Variants in ARHGAP26 observed in about 807,000 individuals in gnomAD.
The protein encoded by ARHGAP26 is Rho GTPase activating protein 26.
A neutral mutation model predicts 104.8 loss-of-function variants in ARHGAP26; 38 were observed. That is an observed-to-expected ratio of 0.36 (90% CI 0.28 to 0.48). The LOEUF (loss-of-function observed/expected upper bound fraction) is 0.48, where lower values mean the gene tolerates loss of function less well. Ranked by LOEUF, ARHGAP26 falls within the 20% of genes least tolerant of loss-of-function variation. The probability of loss-of-function intolerance (pLI) is 0.99; values close to 1 mark genes in which losing one functional copy is unlikely to be tolerated. For missense variants in ARHGAP26, 704 were observed against 947.9 expected, an observed-to-expected ratio of 0.74 and a Z score of 3.38; for synonymous variants, 341 against 340.0, an observed-to-expected ratio of 1.00 and a Z score of -0.03.
chr5:143,188,509 G>A (rs1437500155), intron 20 of ARHGAP26, among the ~76,000 whole-genome samples: 1 of 152,140 alleles, frequency 6.6e-6, no homozygotes, highest in Non-Finnish European at 1.5e-5. Context: ...ATAGTTTTCT[G>A]GGAGAATGAC....
chr5:142,789,911 G>A (rs1597626866), intron 1 of ARHGAP26, among the ~76,000 whole-genome samples: 1 of 152,146 alleles, frequency 6.6e-6, no homozygotes, highest in African/African-American at 2.4e-5. Flanking sequence ...AGTCATTTTA[G>A]TTATAACAAC....
At chr5:143,103,645 C>G (rs1016901234) in intron 17 of ARHGAP26, among the ~76,000 whole-genome samples, 3 of 152,038 alleles carry the variant, frequency 2.0e-5, no homozygotes, top group Non-Finnish European at 4.4e-5. Context: ...ATGTCCTTTG[C>G]AGGGACATGG....
At chr5:142,803,604 C>T (rs1352998512) in intron 1 of ARHGAP26, among the ~76,000 whole-genome samples, 2 of 152,182 alleles carry the variant, frequency 1.3e-5, no homozygotes, top group Non-Finnish European at 2.9e-5. Context: ...CCTTCAACCT[C>T]ACGCTATTGC....
At chr5:142,955,623 A>G (rs926374395) in intron 11 of ARHGAP26, among the ~76,000 whole-genome samples, 5 of 152,236 alleles carry the variant, frequency 3.3e-5, no homozygotes, top group Non-Finnish European at 7.3e-5. Flanking sequence ...GTAGAAGAGC[A>G]TGTCCTTATT....
intron 21 of ARHGAP26, among the ~76,000 whole-genome samples, chr5:143,213,020 C>G (rs1809757486): frequency 6.6e-6 from 1 of 152,186 alleles, no homozygotes; most frequent in African/African-American, 2.4e-5. Flanking sequence ...TAGCAGGCGC[C>G]TGTAGTCCCA....
intron 17 of ARHGAP26, among the ~76,000 whole-genome samples, chr5:143,096,195 G>T (rs920570848): frequency 6.6e-6 from 1 of 152,114 alleles, no homozygotes; most frequent in African/African-American, 2.4e-5. Flanking sequence ...AGTAAACTGC[G>T]TTATGCAGAT....
chr5:142,847,834 A>G (rs1454222744), intron 1 of ARHGAP26, among the ~76,000 whole-genome samples: 2 of 152,208 alleles, frequency 1.3e-5, no homozygotes, highest in Non-Finnish European at 2.9e-5. Context: ...CCATCTGGAC[A>G]CCTGGAGGTG....
chr5:142,858,061 C>CTG (rs746146391), intron 1 of ARHGAP26, among the ~76,000 whole-genome samples: 6,344 of 134,312 alleles, frequency 0.047, 153 homozygotes, highest in African/African-American at 0.057. Flanking sequence ...GAGAGAGAAT[C>CTG]TGTGTGTGTG....
At chr5:143,009,987 T>C (rs1206007212) in intron 11 of ARHGAP26, among the ~76,000 whole-genome samples, 3 of 152,200 alleles carry the variant, frequency 2.0e-5, no homozygotes, top group Non-Finnish European at 2.9e-5. Flanking sequence ...CCTGAAAGCA[T>C]ATAAATTTGA....
At chr5:142,830,648 G>A (rs252453) in intron 1 of ARHGAP26, among the ~76,000 whole-genome samples, 18,149 of 152,138 alleles carry the variant, frequency 0.12, 1,411 homozygotes, top group East Asian at 0.3. Context: ...TTTCACTGGG[G>A]CAAAATGACC....
At chr5:143,086,485 A>G (rs1790607355) in intron 17 of ARHGAP26, among the ~76,000 whole-genome samples, 1 of 152,184 alleles carries the variant, frequency 6.6e-6, no homozygotes, top group South Asian at 2.1e-4. Flanking sequence ...TTTTTAGTGT[A>G]TCATGTAAGC....
chr5:143,080,674 CAGGG>C (rs1235637396), intron 17 of ARHGAP26, among the ~76,000 whole-genome samples: 2 of 152,198 alleles, frequency 1.3e-5, no homozygotes, highest in African/African-American at 4.8e-5. Context: ...CAGAGCTAAG[CAGGG>C]GCCAGATGAA....
chr5:143,201,403 A>C (rs1380810283), intron 20 of ARHGAP26, among the ~76,000 whole-genome samples: 1 of 152,194 alleles, frequency 6.6e-6, no homozygotes, highest in Non-Finnish European at 1.5e-5. Context: ...CCTTGGCTTC[A>C]TTAGTGGGAA....
chr5:142,824,914 C>T (rs1226181237), intron 1 of ARHGAP26, among the ~76,000 whole-genome samples: 1 of 152,222 alleles, frequency 6.6e-6, no homozygotes, highest in Non-Finnish European at 1.5e-5. Flanking sequence ...ATCATCTGTC[C>T]TCTGCTACTA....
chr5:142,835,486 C>G (rs920146858), intron 1 of ARHGAP26, among the ~76,000 whole-genome samples: 10 of 152,232 alleles, frequency 6.6e-5, no homozygotes, highest in Admixed American at 6.5e-4. Context: ...AAACATCCAA[C>G]TGACATATTA....
chr5:143,175,540 CT>C (rs932426488), intron 20 of ARHGAP26, among the ~76,000 whole-genome samples: 22 of 147,122 alleles, frequency 1.5e-4, no homozygotes, highest in African/African-American at 2.5e-4. Flanking sequence ...AAATGGTACA[CT>C]TTTTTTTTTA....
chr5:142,895,452 G>A (rs1469669672), intron 6 of ARHGAP26, among the ~76,000 whole-genome samples: 6 of 151,948 alleles, frequency 3.9e-5, no homozygotes, highest in South Asian at 2.1e-4. Flanking sequence ...GGATGGTCTC[G>A]ATCTCCTGAC....
intron 9 of ARHGAP26, among the ~76,000 whole-genome samples, chr5:142,912,288 A>G (rs1761935103): frequency 6.6e-6 from 1 of 152,252 alleles, no homozygotes; most frequent in Non-Finnish European, 1.5e-5. Context: ...CAATTACGTT[A>G]AGTGAAAAAA....
At chr5:143,217,056 G>A (rs1810448626) in intron 22 of ARHGAP26, among the ~76,000 whole-genome samples, 1 of 152,064 alleles carries the variant, frequency 6.6e-6, no homozygotes, top group Non-Finnish European at 1.5e-5. Context: ...TGAGGTAAAG[G>A]CTGTTTAATT....
Sources: allele counts gnomAD v4.1 joint callset (sites outside exome capture counted in the v4.1 genomes callset), GRCh38; gene constraint gnomAD v4.1.1; transcripts MANE v1.5; gene names NCBI Gene and HGNC (gene_info 2026-07-23, HGNC 2026-07-21).